PRELID2: variants seen among roughly 807,000 people sequenced by gnomAD.
PRELID2 encodes PRELI domain containing 2, also known as PRELI domain-containing protein 2.
In PRELID2, 25 loss-of-function variants were observed where a neutral mutation model predicts 28.4. The ratio of observed to expected loss-of-function variants is 0.88; its 90% CI spans 0.64 to 1.23. The LOEUF is 1.23. PRELID2 is among the 50% of genes most tolerant of loss of function. The pLI is 0.00. For missense variants in PRELID2, 201 were observed against 214.4 expected, an observed-to-expected ratio of 0.94 and a Z score of 0.39; for synonymous variants, 76 against 71.6, an observed-to-expected ratio of 1.06 and a Z score of -0.31.
At chr5:145,609,074 T>C (rs2149643539) in intron 1 of PRELID2, among the ~76,000 whole-genome samples, 1 of 152,352 alleles carries the variant, frequency 6.6e-6, no homozygotes, top group East Asian at 1.9e-4. Flanking sequence ...GCAATTATAT[T>C]ATGAAATTCT....
the PRELID2 span, among the ~76,000 whole-genome samples, chr5:145,377,863 T>C: frequency 6.6e-6 from 1 of 152,172 alleles, no homozygotes; most frequent in Non-Finnish European, 1.5e-5. Context: ...TCAAGGCTAG[T>C]ATTGATATGT....
intron 1 of PRELID2, among the ~76,000 whole-genome samples, chr5:145,591,464 G>A (rs561936744): frequency 1.3e-5 from 2 of 152,250 alleles, no homozygotes; most frequent in South Asian, 2.1e-4. Flanking sequence ...ACAAAAGGAA[G>A]TGATAATTCA....
the PRELID2 span, among the ~76,000 whole-genome samples, chr5:145,358,677 C>G: frequency 6.6e-6 from 1 of 151,990 alleles, no homozygotes; most frequent in Non-Finnish European, 1.5e-5. Flanking sequence ...AGATGATACC[C>G]AAAAGATAAA....
At chr5:145,455,707 T>A in the PRELID2 span, among the ~76,000 whole-genome samples, 2 of 152,230 alleles carry the variant, frequency 1.3e-5, no homozygotes, top group Admixed American at 6.5e-5. Context: ...TTTGTAGCAA[T>A]TGTGAATGGG....
the PRELID2 span, among the ~76,000 whole-genome samples, chr5:145,290,481 T>C: frequency 3.3e-5 from 5 of 151,962 alleles, no homozygotes; most frequent in Admixed American, 3.3e-4. Context: ...ACCATTATTC[T>C]GAGCAAACTA....
At chr5:145,232,344 C>A in the PRELID2 span, among the ~76,000 whole-genome samples, 1 of 152,028 alleles carries the variant, frequency 6.6e-6, no homozygotes, top group Non-Finnish European at 1.5e-5. Context: ...AGAAACTGAA[C>A]CTTGAAATTC....
At chr5:145,802,003 G>A (rs945797526) in intron 4 of PRELID2, among the ~76,000 whole-genome samples, 9 of 152,120 alleles carry the variant, frequency 5.9e-5, no homozygotes, top group Admixed American at 2.0e-4. Context: ...CCTAAACTCC[G>A]TACTGACAAA....
the PRELID2 span, among the ~76,000 whole-genome samples, chr5:145,400,627 A>T: frequency 0.018 from 2,760 of 152,250 alleles, 58 homozygotes; most frequent in Non-Finnish European, 0.022. Flanking sequence ...AGAAAATAAC[A>T]GGCATTTTTC....
chr5:145,564,213 C>A (rs1336719374), intron 1 of PRELID2, among the ~76,000 whole-genome samples: 1 of 152,118 alleles, frequency 6.6e-6, no homozygotes, highest in African/African-American at 2.4e-5. Context: ...CTCAAAGCAC[C>A]AAAAAGCATC....
At chr5:145,779,527 G>GATTT (rs3995506) in intron 5 of PRELID2, among the ~76,000 whole-genome samples, 124,832 of 151,672 alleles carry the variant, frequency 0.82, 51,821 homozygotes, top group East Asian at 0.95. Context: ...CTGTGAAAGG[G>GATTT]ATTATAAAAT....
intron 1 of PRELID2, among the ~76,000 whole-genome samples, chr5:145,578,946 A>G (rs762114683): frequency 1.1e-4 from 17 of 152,084 alleles, no homozygotes; most frequent in Non-Finnish European, 7.4e-5. Context: ...TGATCAATGA[A>G]TAAGATCTGT....
intron 1 of PRELID2, among the ~76,000 whole-genome samples, chr5:145,585,655 T>C (rs1048273714): frequency 9.2e-5 from 14 of 152,130 alleles, no homozygotes; most frequent in Non-Finnish European, 1.6e-4. Context: ...AAGCACATAC[T>C]AAACAATAAA....
chr5:145,434,069 T>C, the PRELID2 span, among the ~76,000 whole-genome samples: 7 of 152,280 alleles, frequency 4.6e-5, no homozygotes, highest in African/African-American at 1.7e-4. Flanking sequence ...CTTGAGGTTT[T>C]TCCCATGACA....
chr5:145,463,466 T>A, the PRELID2 span, among the ~76,000 whole-genome samples: 4 of 152,098 alleles, frequency 2.6e-5, no homozygotes, highest in Non-Finnish European at 5.9e-5. Flanking sequence ...TTTATAGAAT[T>A]CTATATCTTT....
In PRELID2 at chr5:145,503,338, C is replaced by T. The variant is rs76427783; in HGVS notation, n.71-30023G>A. ...ATCCACTTAATTCCACAGTTTAAAGCCACATAGAGTGAAAGAGTACACACT... is the reference window on the plus strand; with the variant it reads ...ATCCACTTAATTCCACAGTTTAAAGTCACATAGAGTGAAAGAGTACACACT... On this transcript the variant is annotated intron_variant and non_coding_transcript_variant, in intron 1 of 2. Transcript: ENST00000510259. Among the ~76,000 whole-genome samples, 1,153 of 152,160 alleles carry T rather than the reference C, an allele frequency of 7.6e-3. 20 individuals carry two copies. The highest frequency in any genetic ancestry group is 0.026 in the African/African-American group (1,086 of 41,508).
the PRELID2 span, among the ~76,000 whole-genome samples, chr5:145,392,521 C>A: frequency 6.6e-6 from 1 of 152,114 alleles, no homozygotes; most frequent in South Asian, 2.1e-4. Flanking sequence ...CACCTGGACA[C>A]AGAGAGCGTA....
At chr5:145,749,881 G>A (rs762937959) in intron 1 of PRELID2, among the ~76,000 whole-genome samples, 14 of 151,896 alleles carry the variant, frequency 9.2e-5, no homozygotes, top group Non-Finnish European at 2.1e-4. Flanking sequence ...ACTAAACACC[G>A]TATGTTCTCA....
intron 5 of PRELID2, among the ~76,000 whole-genome samples, chr5:145,773,440 A>G (rs1549899): frequency 0.063 from 9,553 of 152,292 alleles, 662 homozygotes; most frequent in African/African-American, 0.17. Context: ...TTTGACCTGC[A>G]TATAATTTTA....
At chr5:145,486,823 A>C (rs1358997935) in intron 1 of PRELID2, among the ~76,000 whole-genome samples, 1 of 151,638 alleles carries the variant, frequency 6.6e-6, no homozygotes, top group East Asian at 1.9e-4. Flanking sequence ...TCACAATAGC[A>C]AAGACTTGGA....
Sources: gnomAD v4.1 joint callset for allele counts (sites outside exome capture counted in the v4.1 genomes callset) on GRCh38, gnomAD v4.1.1 for gene constraint, MANE v1.5 for transcripts, NCBI Gene and HGNC (gene_info 2026-07-23, HGNC 2026-07-21) for gene names.